Variants in LSM4 observed in about 807,000 individuals in gnomAD.
The protein encoded by LSM4 is U6 snRNA-associated Sm-like protein LSm4.
A neutral mutation model predicts 22.3 loss-of-function variants in LSM4; 15 were observed. The ratio of observed to expected loss-of-function variants is 0.67; its 90% confidence interval spans 0.45 to 1.03. LSM4 has a LOEUF of 1.03. Ranked by LOEUF, LSM4 falls within the 50% of genes least tolerant of loss-of-function variation. LSM4 has a pLI of 0.00. For synonymous variants in LSM4, 90 were observed against 79.8 expected, an observed-to-expected ratio of 1.13 and a Z score of -0.68; for missense variants, 127 against 198.0, an observed-to-expected ratio of 0.64 and a Z score of 2.15.
chr19:18,315,020 G>A (rs1164375547), intron 2 of LSM4, among the ~76,000 whole-genome samples: 2 of 152,130 alleles, frequency 1.3e-5, no homozygotes, highest in South Asian at 4.1e-4. Context: ...AAGTAGCTGG[G>A]ACTGCAGGTG....
chr19:18,320,327 A>G (rs1269915372), intron 1 of LSM4, among the ~76,000 whole-genome samples: 2 of 152,044 alleles, frequency 1.3e-5, no homozygotes, highest in African/African-American at 2.4e-5. Context: ...GGGCAACACA[A>G]AAGATTCTGT....
chr19:18,322,838 G>A (rs1394253895), intron 1 of LSM4, among the ~76,000 whole-genome samples, 180 bp downstream of exon 1: 6 of 152,106 alleles, frequency 3.9e-5, no homozygotes, highest in African/African-American at 1.4e-4. Context: ...AGACACGAAC[G>A]TGATAGAGCC....
intron 3 of LSM4, among the ~76,000 whole-genome samples, chr19:18,311,105 C>T (rs975983614): frequency 2.6e-5 from 4 of 152,252 alleles, no homozygotes; most frequent in Admixed American, 2.0e-4. Flanking sequence ...GCTCGTGGGG[C>T]GGACACACCA....
chr19:18,315,272 C>G (rs1022541645), intron 2 of LSM4, among the ~76,000 whole-genome samples: 2 of 152,070 alleles, frequency 1.3e-5, no homozygotes, highest in Non-Finnish European at 2.9e-5. Context: ...GCCTTAGGCT[C>G]CCAACTAACT....
chr19:18,311,666 C>A (rs3787024), intron 3 of LSM4, among the ~76,000 whole-genome samples: 1 of 152,170 alleles, frequency 6.6e-6, no homozygotes, highest in African/African-American at 2.4e-5. Context: ...CCCACCCAGA[C>A]GCCCTCCGAC....
At chr19:18,316,721 A>G (rs1225206094) in intron 1 of LSM4, among the ~76,000 whole-genome samples, 1 of 151,936 alleles carries the variant, frequency 6.6e-6, no homozygotes, top group Non-Finnish European at 1.5e-5. Flanking sequence ...CTGAGTATGG[A>G]GTTGAGGACA....
intron 1 of LSM4, among the ~76,000 whole-genome samples, chr19:18,317,609 A>C (rs1600170537): frequency 6.6e-6 from 1 of 152,086 alleles, no homozygotes; most frequent in African/African-American, 2.4e-5. Context: ...GGCCTCTCAA[A>C]GTGCTGGGAT....
intron 1 of LSM4, 22 bp downstream of exon 1, chr19:18,322,996 C>G (rs751182952): frequency 6.3e-7 from 1 of 1,591,414 alleles, no homozygotes. Context: ...CCGGTGAGAC[C>G]CCGCAGTTGC....
At position 18,323,053 on chromosome 19, in the gene LSM4, T is replaced by TCCGCCG. The variant is rs1328720078; in HGVS notation, c.-39_-34dup. On this transcript the variant is annotated 5_prime_UTR_variant, in exon 1 of 5. Transcript: ENST00000593829. The stretch of plus-strand genomic sequence containing the variant: ...GCGGGGACCGGGCTCGCCGGCCACT[T>TCCGCCG]CCGCCGCCGCCGCTGCACACGCTCC... 1 of 1,523,324 alleles carries TCCGCCG rather than the reference T, an allele frequency of 6.6e-7. No individual in the cohort carries two copies. The highest frequency in any genetic ancestry group is 8.7e-7 in the Non-Finnish European group (1 of 1,143,806). The allele number at this position is 1,523,324 out of a possible 1,614,324, so 94.4% of individuals were successfully genotyped here. A position where few individuals can be genotyped will look rare whatever the true frequency, so the allele number is the denominator to read the frequency against.
At position 18,309,812 on chromosome 19, in the gene LSM4, G is replaced by A. The variant is rs1202823633; in HGVS notation, c.194C>T (p.Thr65Ile). Reference protein sequence around the residue: ...RMPECYIRGSTIKYLRIPDEI... With the variant: ...RMPECYIRGSIIKYLRIPDEI... The stretch of plus-strand genomic sequence containing the variant: ...GTCGGGGATGCGCAGGTACTTGATG[G>A]TGCTGCCGCGGATGTAGCACTCGGG... Residue 65 changes from threonine (T) to isoleucine (I), a missense_variant, in exon 4 of 5, where the codon ACC becomes ATC. By Grantham distance (89) the Thr-to-Ile change is moderately conservative (BLOSUM62 -1). Coordinates refer to ENST00000593829, the MANE Select transcript of LSM4 (RefSeq NM_012321.5). 1 of 1,613,868 alleles carries A rather than the reference G, an allele frequency of 6.2e-7. No homozygotes were observed. Among genetic ancestry groups the A allele is most frequent in the Non-Finnish European group, 8.5e-7 (1 of 1,179,912 alleles).
chr19:18,320,160 A>T (rs1261824927), intron 1 of LSM4, among the ~76,000 whole-genome samples: 1 of 152,166 alleles, frequency 6.6e-6, no homozygotes, highest in Non-Finnish European at 1.5e-5. Flanking sequence ...ACTCTGTTGG[A>T]GAGAGGTCAG....
chr19:18,306,621 C>G lies in LSM4; in HGVS notation c.*843G>C, dbSNP rs1970225283. On this transcript the variant is annotated 3_prime_UTR_variant, in exon 5 of 5. Transcript: ENST00000593829. ...GACCATGCGTGGCCCCTGCCTGGGA[C>G]TTCCCTCCCCACACACCCCTTGGCA... 6.6e-6 allele frequency: 1 copy of G among 152,420 alleles called. No individual in the cohort carries two copies. Among genetic ancestry groups the G allele is most frequent in the African/African-American group, 2.4e-5 (1 of 41,464 alleles). The allele number at this position is 152,420 out of a possible 1,614,324, so 9.4% of individuals were successfully genotyped here.
chr19:18,323,047 G>C lies in LSM4; in HGVS notation c.-27C>G. The C allele has an allele frequency of 3.3e-6, 5 of 1,530,832 alleles. No homozygotes were observed. The highest frequency in any genetic ancestry group is 3.5e-6 in the Non-Finnish European group (4 of 1,147,364). 94.8% of individuals were successfully genotyped at this position (1,530,832 alleles called of 1,614,324 possible). A position where few individuals can be genotyped will look rare whatever the true frequency, so the allele number is the denominator to read the frequency against. ...GTGCCGGCGGGGACCGGGCTCGCCG[G>C]CCACTTCCGCCGCCGCCGCTGCACA... On this transcript the variant is annotated 5_prime_UTR_variant, in exon 1 of 5. Coordinates refer to ENST00000593829, the MANE Select transcript of LSM4 (RefSeq NM_012321.5).
chr19:18,311,852 G>A (rs73007706), intron 3 of LSM4, among the ~76,000 whole-genome samples: 3 of 152,154 alleles, frequency 2.0e-5, no homozygotes, highest in South Asian at 2.1e-4. Flanking sequence ...CTCCCCCCTC[G>A]AGCCCTGTTG....
At chr19:18,310,329 T>G in intron 3 of LSM4, 1 of 179,790 alleles carries the variant, frequency 5.6e-6, no homozygotes, top group Non-Finnish European at 1.2e-5. Context: ...CCTCTCTACA[T>G]GCCCTGACTC....
rs1970279222 is a variant in LSM4 at position 18,309,862 on chromosome 19, C to G, written c.145-1G>C. The G allele has an allele frequency of 1.2e-6, 2 of 1,613,022 alleles. No homozygotes were observed. The highest frequency in any genetic ancestry group is 1.7e-6 in the Non-Finnish European group (2 of 1,179,674). The stretch of plus-strand genomic sequence containing the variant: ...GCATCCGCCAGAACTTGTCCCCGTC[C>G]TGCGGAGAAGGGGAGCAGGTTATTA... On this transcript the variant is annotated splice_acceptor_variant, in intron 3 of 4. Transcript: ENST00000593829. LOFTEE classifies it high-confidence loss of function.
chr19:18,312,502 C>T (rs548592799), intron 3 of LSM4, 102 bp downstream of exon 3: 26 of 949,048 alleles, frequency 2.7e-5, no homozygotes, highest in East Asian at 1.7e-4. Flanking sequence ...CAGTCCTAGG[C>T]GGCCTCCCCC....
rs147169736 is a variant in LSM4 at position 18,312,627 on chromosome 19, G to A, written c.121C>T (p.Arg41Ter). ...ACCCTGGACGTGCAGATGACTTCTC[G>A]CAGGTTAATGTTCATCCAGTTGTCG... is the stretch of plus-strand genomic sequence containing the variant. ...SCDNWMNINL[R>*]EVICTSRDGD... Residue 41 changes from arginine (R) to a stop codon, truncating the protein, a stop_gained, in exon 3 of 5, where the codon CGA becomes TGA. Coordinates refer to ENST00000593829, the MANE Select transcript of LSM4 (RefSeq NM_012321.5). LOFTEE classifies it high-confidence loss of function. The A allele has an allele frequency of 9.9e-6, 16 of 1,613,818 alleles. No homozygotes were observed. The highest frequency in any genetic ancestry group is 2.2e-5 in the South Asian group (2 of 91,082).
intron 3 of LSM4, 34 bp from the exon 4 acceptor site, chr19:18,309,895 A>C (rs762637910): frequency 5.6e-6 from 9 of 1,600,128 alleles, no homozygotes; most frequent in Non-Finnish European, 7.7e-6. Flanking sequence ...TTAACTTACC[A>C]CCGGGCCGTC....
Sources: gnomAD v4.1 joint callset for allele counts (sites outside exome capture counted in the v4.1 genomes callset) on GRCh38, gnomAD v4.1.1 for gene constraint, MANE v1.5 for transcripts, NCBI Gene and HGNC (gene_info 2026-07-23, HGNC 2026-07-21) for gene names.